The following TEX14 variants were observed in gnomAD, a reference collection of about 807,000 sequenced individuals.
TEX14 encodes testis expressed 14, intercellular bridge forming factor, also known as inactive serine/threonine-protein kinase TEX14.
TEX14 carries 168 observed loss-of-function variants against 178.6 expected under a neutral mutation model. The ratio of observed to expected loss-of-function variants is 0.94; its 90% CI spans 0.83 to 1.07. TEX14 has a LOEUF of 1.07. TEX14 is among the 50% of genes least tolerant of loss of function. TEX14 has a pLI of 0.00. For synonymous variants in TEX14, 626 were observed against 634.1 expected, an observed-to-expected ratio of 0.99 and a Z score of 0.19; for missense variants, 1,730 against 1,753.6, an observed-to-expected ratio of 0.99 and a Z score of 0.24.
At position 58,573,263 on chromosome 17, in the gene TEX14, T is replaced by A; in HGVS notation, c.3429A>T (p.Pro1143=). 1 of 1,614,098 alleles carries A rather than the reference T, an allele frequency of 6.2e-7. No homozygotes were observed. ...ATGAAGCTTCCTTAAAAGAGCTGTC[T>A]GGTTCATAGGAGATACTAGACAGGT... The part of the protein sequence containing the change: ...IQDLSSISYE[P]DSSFKEASCK... The change falls in exon 23 of 32, where the codon CCA becomes CCT. Residue 1143 remains proline (P), a synonymous_variant. Coordinates refer to ENST00000349033, the MANE Select transcript of TEX14 (RefSeq NM_031272.5).
chr17:58,563,658 T>TAGAGAG (rs1180956521), intron 28 of TEX14, among the ~76,000 whole-genome samples: 41 of 17,434 alleles, frequency 2.4e-3, no homozygotes, highest in Non-Finnish European at 2.8e-3. Context: ...TATATATATA[T>TAGAGAG]AGAGAGAGAG....
At chr17:58,649,046 G>A (rs1219302982) in intron 2 of TEX14, among the ~76,000 whole-genome samples, 1 of 150,368 alleles carries the variant, frequency 6.7e-6, no homozygotes, top group African/African-American at 2.4e-5. Context: ...CAAAGTGCTG[G>A]GATTACAGGC....
rs757270361 is a variant in TEX14 at position 58,561,560 on chromosome 17, C to T, written c.4117G>A (p.Glu1373Lys). 2 of 1,613,966 alleles carry T rather than the reference C, an allele frequency of 1.2e-6. No homozygotes were observed. Among genetic ancestry groups the T allele is most frequent in the East Asian group, 4.5e-5 (2 of 44,896 alleles). Residue 1373 changes from glutamate to lysine, a missense_variant, in exon 29 of 32, where the codon GAG (glutamate) becomes AAG (lysine). Transcript: ENST00000349033. ...DLERWLQPPE[E>K]SVELQDLPKG... is the part of the protein sequence containing the mutation. ...GGAAGGTCTTGTAGCTCCACGCTCT[C>T]CTCAGGTGGCTGCAGCCATCTTTCC... is the stretch of plus-strand genomic sequence containing the variant.
chr17:58,557,373 C>T (rs867536645), intron 31 of TEX14, among the ~76,000 whole-genome samples: 2 of 151,438 alleles, frequency 1.3e-5, no homozygotes, highest in Non-Finnish European at 1.5e-5. Context: ...CGGGTTTAAG[C>T]GATTGTCCTG....
chr17:58,615,923 C>T (rs1285412270), intron 7 of TEX14, among the ~76,000 whole-genome samples: 1 of 152,208 alleles, frequency 6.6e-6, no homozygotes, highest in African/African-American at 2.4e-5. Context: ...CTGTAAGGGA[C>T]TGCAACTGGC....
intron 2 of TEX14, among the ~76,000 whole-genome samples, chr17:58,633,389 T>C (rs1056362808): frequency 5.9e-5 from 9 of 152,080 alleles, no homozygotes; most frequent in African/African-American, 2.2e-4. Context: ...AATGAATAAA[T>C]CCAAGTAAAG....
At chr17:58,560,705 C>A (rs888855939) in intron 29 of TEX14, among the ~76,000 whole-genome samples, 5 of 152,208 alleles carry the variant, frequency 3.3e-5, no homozygotes, top group Admixed American at 2.6e-4. Flanking sequence ...TCTCATATGA[C>A]ATGGTTTCCA....
chr17:58,637,685 T>C (rs755074934), intron 2 of TEX14, among the ~76,000 whole-genome samples: 2 of 152,172 alleles, frequency 1.3e-5, no homozygotes, highest in Non-Finnish European at 2.9e-5. Context: ...TTCCATTCAG[T>C]TGCTCATCTG....
chr17:58,584,205 C>A (rs1397511189), intron 19 of TEX14, among the ~76,000 whole-genome samples: 1 of 152,160 alleles, frequency 6.6e-6, no homozygotes, highest in Non-Finnish European at 1.5e-5. Flanking sequence ...AGGAGCTTTG[C>A]CCTAGTTTTG....
intron 2 of TEX14, among the ~76,000 whole-genome samples, chr17:58,642,528 TTTTA>T (rs1430671494): frequency 6.6e-6 from 1 of 151,718 alleles, no homozygotes; most frequent in Non-Finnish European, 1.5e-5. Context: ...TTTTATTTTA[TTTTA>T]TTTATTTTTT....
chr17:58,685,996 C>CAAAAAAAAAAA (rs34156664), intron 1 of TEX14, among the ~76,000 whole-genome samples: 1 of 82,648 alleles, frequency 1.2e-5, no homozygotes, highest in Non-Finnish European at 2.2e-5. Flanking sequence ...CTCTGTCTCA[C>CAAAAAAAAAAA]AAAAAAAAAA....
intron 1 of TEX14, among the ~76,000 whole-genome samples, chr17:58,655,398 G>A (rs2046934871): frequency 6.6e-6 from 1 of 151,818 alleles, no homozygotes; most frequent in Non-Finnish European, 1.5e-5. Context: ...TGGCCAGGAT[G>A]GTCTCGATCT....
chr17:58,690,153 T>C (rs184354871), intron 1 of TEX14, among the ~76,000 whole-genome samples: 6 of 150,854 alleles, frequency 4.0e-5, no homozygotes, highest in Non-Finnish European at 5.9e-5. Flanking sequence ...GGGGGTTTTT[T>C]TGTTTTTTTT....
intron 1 of TEX14, among the ~76,000 whole-genome samples, chr17:58,684,570 G>A (rs1339743417): frequency 6.6e-6 from 1 of 151,448 alleles, no homozygotes; most frequent in African/African-American, 2.4e-5. Flanking sequence ...GGGAGGCAGT[G>A]GTGGCAGTGA....
rs919097094 is a variant in TEX14 at position 58,569,614 on chromosome 17, C to T, written c.3818-354G>A. Among the ~76,000 whole-genome samples the T allele has an allele frequency of 1.3e-5, 2 of 152,136 alleles. No individual in the cohort carries two copies. Among genetic ancestry groups the T allele is most frequent in the African/African-American group, 4.8e-5 (2 of 41,416 alleles). ...GCTGGAGGAATACAGAGGTTCTGGA[C>T]CAGTCAAAATGAACAAAAGCACAAA... On this transcript the variant is annotated intron_variant, in intron 25 of 31. Transcript: ENST00000349033. This position sits in a 1 kb window ranked among gnomAD's most constrained non-coding sequence, Gnocchi z 4.1.
intron 3 of TEX14, among the ~76,000 whole-genome samples, chr17:58,627,647 G>C (rs895210621): frequency 8.6e-5 from 13 of 151,700 alleles, no homozygotes; most frequent in Non-Finnish European, 1.8e-4. Context: ...GTGGGCACCT[G>C]TAATCCCAGC....
At position 58,623,391 on chromosome 17, in the gene TEX14, G is replaced by A. The variant is rs9893801; in HGVS notation, c.252-379C>T. ...GCCCAGAAACAATGTCTTCACACCT[G>A]CAGTGTCCTGGGATCAGGCTAGTCA... On this transcript the variant is annotated intron_variant, in intron 3 of 31. Coordinates refer to ENST00000349033, the MANE Select transcript of TEX14 (RefSeq NM_031272.5). 9.0e-4 allele frequency among the ~76,000 whole-genome samples: 137 copies of A among 152,260 alleles called. 1 individual carries two copies. Among genetic ancestry groups the A allele is most frequent in the African/African-American group, 3.2e-3 (134 of 41,544 alleles).
At chr17:58,566,099 G>C (rs2044391635) in intron 26 of TEX14, among the ~76,000 whole-genome samples, 1 of 152,108 alleles carries the variant, frequency 6.6e-6, no homozygotes, top group South Asian at 2.1e-4. Flanking sequence ...GGTTTGAAAG[G>C]AATTCTTTAG....
intron 2 of TEX14, among the ~76,000 whole-genome samples, chr17:58,650,134 T>C (rs2046808363): frequency 6.6e-6 from 1 of 151,618 alleles, no homozygotes; most frequent in Non-Finnish European, 1.5e-5. Flanking sequence ...CTAGGCTCAC[T>C]GCAACCTCTG....
Sources: gnomAD v4.1 joint callset for allele counts (sites outside exome capture counted in the v4.1 genomes callset) on GRCh38, gnomAD v4.1.1 for gene constraint, Gnocchi (gnomAD v3.1) non-coding constraint, MANE v1.5 for transcripts, NCBI Gene and HGNC (gene_info 2026-07-23, HGNC 2026-07-21) for gene names.